The following BCL2L1 variants were observed in gnomAD, a reference collection of about 807,000 sequenced individuals.
BCL2L1 encodes the protein bcl-2-like protein 1.
A neutral mutation model predicts 18.7 loss-of-function variants in BCL2L1; 1 was observed. That is an observed-to-expected ratio of 0.05 (90% CI 0.02 to 0.25). The LOEUF (loss-of-function observed/expected upper bound fraction) is 0.25. BCL2L1 is among the 10% of genes least tolerant of loss of function. The pLI is 1.00. For missense variants in BCL2L1, 207 were observed against 304.9 expected (o/e 0.68, Z 2.39); for synonymous variants, 103 against 122.7 (o/e 0.84, Z 1.06).
upstream of BCL2L1, chr20:31,723,769 C>T: frequency 1.0e-6 from 1 of 985,426 alleles, no homozygotes; most frequent in Non-Finnish European, 1.2e-6. Context: ...GGCCACATCC[C>T]CCTTCATCGG....
At chr20:31,711,456 T>G (rs1300500786) in intron 2 of BCL2L1, among the ~76,000 whole-genome samples, 1 of 152,146 alleles carries the variant, frequency 6.6e-6, no homozygotes, top group African/African-American at 2.4e-5. Flanking sequence ...TGTAGACTGA[T>G]TCAGATGGCA....
Position 31,666,044 on chromosome 20 carries a change from T to A in BCL2L1, c.607A>T (p.Ser203Cys), listed in dbSNP as rs1385688261. The change falls in exon 3 of 3, where the codon AGC becomes TGC. Residue 203 changes from serine (S) to cysteine (C), a missense_variant. Coordinates refer to ENST00000307677, the MANE Select transcript of BCL2L1 (RefSeq NM_138578.3). ...ELYGNNAAAESRKGQERFNRW... is the reference protein window; with the variant it reads ...ELYGNNAAAECRKGQERFNRW... ...TTGAAGCGTTCCTGGCCCTTTCGGC[T>A]CTCGGCTGCTGCATTGTTCCCATAG... is the stretch of plus-strand genomic sequence containing the variant. The A allele has an allele frequency of 6.2e-7, 1 of 1,614,090 alleles. No individual in the cohort carries two copies. Among genetic ancestry groups the A allele is most frequent in the Admixed American group, 1.7e-5 (1 of 60,006 alleles).
chr20:31,686,081 A>G (rs947218950), intron 2 of BCL2L1: 2 of 152,240 alleles, frequency 1.3e-5, no homozygotes, highest in Non-Finnish European at 2.9e-5. Context: ...GCTATGCCAT[A>G]GGAGCCCAAA....
intron 2 of BCL2L1, chr20:31,713,656 C>T: frequency 1.1e-6 from 1 of 891,644 alleles, no homozygotes; most frequent in Non-Finnish European, 1.3e-6. Context: ...TTTCTTTATA[C>T]AAAACCACAA....
intron 2 of BCL2L1, among the ~76,000 whole-genome samples, chr20:31,719,689 T>G (rs560734973): frequency 6.6e-6 from 1 of 152,034 alleles, no homozygotes; most frequent in Non-Finnish European, 1.5e-5. Context: ...TTACCCAGAG[T>G]TGCTGTGTCT....
At chr20:31,671,234 A>G (rs938869702) in intron 2 of BCL2L1, among the ~76,000 whole-genome samples, 2 of 152,076 alleles carry the variant, frequency 1.3e-5, no homozygotes, top group East Asian at 3.9e-4. Context: ...TGCCCATTCT[A>G]CGTTTCCACT....
chr20:31,693,953 A>T (rs887161971), intron 2 of BCL2L1, among the ~76,000 whole-genome samples: 4 of 146,432 alleles, frequency 2.7e-5, no homozygotes, highest in African/African-American at 7.5e-5. Context: ...AAATTTCTTT[A>T]AAAAAAAAAA....
At chr20:31,686,860 C>T (rs964467367) in intron 2 of BCL2L1, among the ~76,000 whole-genome samples, 1 of 152,108 alleles carries the variant, frequency 6.6e-6, no homozygotes, top group Non-Finnish European at 1.5e-5. Flanking sequence ...CCATGGAGAC[C>T]ATAGTTAAGT....
At chr20:31,699,894 T>C (rs1359998041) in intron 2 of BCL2L1, among the ~76,000 whole-genome samples, 1 of 152,200 alleles carries the variant, frequency 6.6e-6, no homozygotes, top group African/African-American at 2.4e-5. Flanking sequence ...ATTATCCCAT[T>C]GGATCTCTGC....
chr20:31,699,810 G>T (rs182375441), intron 2 of BCL2L1, among the ~76,000 whole-genome samples: 3 of 152,190 alleles, frequency 2.0e-5, no homozygotes, highest in Non-Finnish European at 4.4e-5. Context: ...CACAGTCTAG[G>T]TGAGGGAATT....
intron 2 of BCL2L1, among the ~76,000 whole-genome samples, chr20:31,712,648 G>A (rs140159299): frequency 5.3e-5 from 8 of 152,272 alleles, no homozygotes; most frequent in Non-Finnish European, 1.2e-4. Context: ...GAGGCTGGGG[G>A]CTCCTGAGCA....
At chr20:31,708,291 G>A (rs2061402021) in intron 2 of BCL2L1, among the ~76,000 whole-genome samples, 1 of 152,210 alleles carries the variant, frequency 6.6e-6, no homozygotes, top group Non-Finnish European at 1.5e-5. Context: ...CACAAGGGAA[G>A]AAGCAGCAGC....
At chr20:31,697,050 CAAAAA>C (rs1161266730) in intron 2 of BCL2L1, among the ~76,000 whole-genome samples, 2 of 76,846 alleles carry the variant, frequency 2.6e-5, no homozygotes, top group African/African-American at 9.2e-5. Context: ...GACTCTATCT[CAAAAA>C]AAAAAAAAAA....
chr20:31,685,179 G>T (rs911271235), intron 2 of BCL2L1, among the ~76,000 whole-genome samples: 2 of 151,834 alleles, frequency 1.3e-5, no homozygotes, highest in African/African-American at 4.8e-5. Context: ...GAGGTGGGTG[G>T]ATCACGAAGT....
chr20:31,672,026 A>G (rs2060678859), intron 2 of BCL2L1, among the ~76,000 whole-genome samples: 1 of 149,980 alleles, frequency 6.7e-6, no homozygotes, highest in East Asian at 1.9e-4. Flanking sequence ...GGACAAAAAA[A>G]TCTGAAAAAG....
upstream of BCL2L1, chr20:31,723,912 C>T (rs1368999476): frequency 3.0e-6 from 3 of 985,328 alleles, no homozygotes. Flanking sequence ...GCCTCAGTTT[C>T]CCCTGAAGAG....
intron 2 of BCL2L1, among the ~76,000 whole-genome samples, chr20:31,717,112 C>T (rs1485755665): frequency 3.3e-5 from 5 of 152,090 alleles, no homozygotes; most frequent in African/African-American, 4.8e-5. Context: ...ATTATACTTC[C>T]GTAGAAAAGC....
intron 2 of BCL2L1, among the ~76,000 whole-genome samples, chr20:31,711,112 G>A (rs1212650271): frequency 2.6e-5 from 4 of 152,206 alleles, no homozygotes; most frequent in African/African-American, 9.7e-5. Context: ...AACCAAGTAA[G>A]ATGATTATAT....
intron 2 of BCL2L1, among the ~76,000 whole-genome samples, chr20:31,667,461 A>G (rs983686407): frequency 1.4e-5 from 2 of 139,044 alleles, no homozygotes; most frequent in South Asian, 4.3e-4. Flanking sequence ...CGTTCAAAAA[A>G]AAAAAAGGAA....
Sources: gnomAD v4.1 joint callset for allele counts (sites outside exome capture counted in the v4.1 genomes callset) on GRCh38, gnomAD v4.1.1 for gene constraint, MANE v1.5 for transcripts, NCBI Gene and HGNC (gene_info 2026-07-23, HGNC 2026-07-21) for gene names.